ZC3H12B: variants seen among roughly 807,000 people sequenced by gnomAD.
The protein encoded by ZC3H12B is zinc finger CCCH-type containing 12B.
In ZC3H12B, 7 loss-of-function variants were observed where a neutral mutation model predicts 43.9. That is an observed-to-expected ratio of 0.16 (90% confidence interval 0.09 to 0.30). The LOEUF is 0.30. Ranked by LOEUF, ZC3H12B falls within the 10% of genes least tolerant of loss-of-function variation. ZC3H12B has a pLI of 1.00. For missense variants in ZC3H12B, 475 were observed against 670.2 expected, an observed-to-expected ratio of 0.71 and a Z score of 3.22; for synonymous variants, 222 against 241.7, an observed-to-expected ratio of 0.92 and a Z score of 0.76.
At chrX:65,200,319 T>A in the ZC3H12B span, among the ~76,000 whole-genome samples, 1 of 111,447 alleles carries the variant, frequency 9.0e-6, no homozygotes, top group Non-Finnish European at 1.9e-5. Context: ...CTTGTACATT[T>A]GTTTAAGTTC....
the ZC3H12B span, among the ~76,000 whole-genome samples, chrX:65,064,935 G>T: frequency 1.8e-5 from 2 of 110,916 alleles, no homozygotes; most frequent in African/African-American, 6.6e-5. Context: ...TTGGTTTAAA[G>T]TCTGTTTTAC....
At chrX:65,191,546 T>C in the ZC3H12B span, among the ~76,000 whole-genome samples, 432 of 97,427 alleles carry the variant, frequency 4.4e-3, 28 homozygotes, top group African/African-American at 0.022. Context: ...ATGTGTCGAG[T>C]AATTTATCCA....
At chrX:65,342,544 C>T in the ZC3H12B span, among the ~76,000 whole-genome samples, 1 of 111,727 alleles carries the variant, frequency 9.0e-6, no homozygotes, top group African/African-American at 3.2e-5. Context: ...ATTGAATAAC[C>T]TGCCCCTGAA....
the ZC3H12B span, among the ~76,000 whole-genome samples, chrX:65,297,637 G>GA: frequency 1.7e-3 from 190 of 109,933 alleles, no homozygotes; most frequent in Middle Eastern, 4.6e-3. Flanking sequence ...CATAGAACTA[G>GA]AAAAAAAATC....
At chrX:65,253,241 G>A in the ZC3H12B span, among the ~76,000 whole-genome samples, 3 of 112,155 alleles carry the variant, frequency 2.7e-5, no homozygotes, top group African/African-American at 9.7e-5. Context: ...TGAAGGAGAA[G>A]GAAGCAGGGA....
chrX:65,458,426 A>G (rs61627126), intron 3 of ZC3H12B, among the ~76,000 whole-genome samples: 9,143 of 111,153 alleles, frequency 0.082, 1,020 homozygotes, highest in African/African-American at 0.29. Flanking sequence ...GCACCACACC[A>G]CACTTATTCC....
At chrX:65,050,081 A>G in the ZC3H12B span, among the ~76,000 whole-genome samples, 4 of 111,032 alleles carry the variant, frequency 3.6e-5, no homozygotes, top group Non-Finnish European at 7.6e-5. Flanking sequence ...TAATGTACAT[A>G]TTTTGAATTT....
chrX:65,097,213 T>C, the ZC3H12B span, among the ~76,000 whole-genome samples: 1 of 111,991 alleles, frequency 8.9e-6, no homozygotes, highest in African/African-American at 3.2e-5. Context: ...TCTTGAAAAA[T>C]ATGTCAAATC....
At chrX:65,352,242 C>CAGA in the ZC3H12B span, among the ~76,000 whole-genome samples, 1 of 111,643 alleles carries the variant, frequency 9.0e-6, no homozygotes, top group Non-Finnish European at 1.9e-5. Context: ...TGCATGTTCT[C>CAGA]ATTCATAAGT....
At chrX:65,104,057 G>T in the ZC3H12B span, among the ~76,000 whole-genome samples, 2 of 111,305 alleles carry the variant, frequency 1.8e-5, no homozygotes, top group South Asian at 3.8e-4. Flanking sequence ...CATGATACTG[G>T]TACCAAAACA....
chrX:65,043,452 T>C, the ZC3H12B span, among the ~76,000 whole-genome samples: 115 of 110,204 alleles, frequency 1.0e-3, no homozygotes, highest in African/African-American at 3.6e-3. Context: ...ACATCTAAGG[T>C]TTTTATATAT....
chrX:65,054,735 C>A, the ZC3H12B span, among the ~76,000 whole-genome samples: 2 of 111,515 alleles, frequency 1.8e-5, no homozygotes, highest in South Asian at 7.5e-4. Flanking sequence ...AATGTTCTTC[C>A]ATTTTTTTGT....
At chrX:65,160,622 T>A in the ZC3H12B span, among the ~76,000 whole-genome samples, 4 of 111,992 alleles carry the variant, frequency 3.6e-5, no homozygotes, top group Non-Finnish European at 7.5e-5. Flanking sequence ...CTTTATCATT[T>A]TTTTTGTGTC....
chrX:65,192,649 T>A, the ZC3H12B span, among the ~76,000 whole-genome samples: 1 of 111,767 alleles, frequency 8.9e-6, no homozygotes, highest in African/African-American at 3.3e-5. Context: ...TGGATTACAT[T>A]GGCTGACTTG....
chrX:65,046,843 G>A, the ZC3H12B span, among the ~76,000 whole-genome samples: 1 of 110,967 alleles, frequency 9.0e-6, no homozygotes, highest in South Asian at 3.8e-4. Context: ...GCCATTGTAG[G>A]GTTATTAATT....
chrX:65,203,961 T>C, the ZC3H12B span, among the ~76,000 whole-genome samples: 1 of 111,965 alleles, frequency 8.9e-6, no homozygotes, highest in Non-Finnish European at 1.9e-5. Context: ...AAATGGTTCC[T>C]CCGTGTGTTC....
the ZC3H12B span, among the ~76,000 whole-genome samples, chrX:65,068,642 A>G: frequency 3.6e-5 from 4 of 111,797 alleles, no homozygotes; most frequent in African/African-American, 9.8e-5. Flanking sequence ...TACTTAATAT[A>G]AGAGTAGTTT....
At chrX:65,408,597 G>T in intron 3 of ZC3H12B, 1 of 1,143,054 alleles carries the variant, frequency 8.7e-7, no homozygotes, top group East Asian at 3.0e-5. Context: ...AGTGCTCTGA[G>T]TGGGCAATCT....
At chrX:65,139,269 T>C in the ZC3H12B span, among the ~76,000 whole-genome samples, 1 of 112,498 alleles carries the variant, frequency 8.9e-6, no homozygotes, top group African/African-American at 3.2e-5. Context: ...TTCTTCATAT[T>C]GTGTGAAATA....
Sources: gnomAD v4.1 joint callset for allele counts (sites outside exome capture counted in the v4.1 genomes callset) on GRCh38, gnomAD v4.1.1 for gene constraint, MANE v1.5 for transcripts, NCBI Gene and HGNC (gene_info 2026-07-23, HGNC 2026-07-21) for gene names.